Variants in SESN3 observed in about 807,000 individuals in gnomAD.
The protein encoded by SESN3 is sestrin 3.
A neutral mutation model predicts 55.3 loss-of-function variants in SESN3; 21 were observed. The ratio of observed to expected loss-of-function variants is 0.38; its 90% CI spans 0.27 to 0.55. The LOEUF (loss-of-function observed/expected upper bound fraction) is 0.55, where lower values mean the gene tolerates loss of function less well. Ranked by LOEUF, SESN3 falls within the 20% of genes least tolerant of loss-of-function variation. The pLI, the probability that SESN3 is intolerant of heterozygous loss-of-function variation, is 0.76. For synonymous variants in SESN3, 181 were observed against 203.1 expected, an observed-to-expected ratio of 0.89 and a Z score of 0.93; for missense variants, 408 against 604.3, an observed-to-expected ratio of 0.68 and a Z score of 3.41.
At chr11:95,214,592 G>A (rs1860718142) in intron 1 of SESN3, among the ~76,000 whole-genome samples, 3 of 151,740 alleles carry the variant, frequency 2.0e-5, no homozygotes. Context: ...GCTACTATAG[G>A]TGAAAGAGAA....
chr11:95,173,785 G>C (rs543509932), intron 9 of SESN3, among the ~76,000 whole-genome samples: 158 of 151,824 alleles, frequency 1.0e-3, no homozygotes, highest in African/African-American at 3.6e-3. Flanking sequence ...GTGAAAATCT[G>C]ATGTTTAAAG....
intron 1 of SESN3, among the ~76,000 whole-genome samples, chr11:95,210,766 T>C (rs1048370575): frequency 3.9e-5 from 6 of 152,172 alleles, no homozygotes; most frequent in African/African-American, 1.4e-4. Flanking sequence ...GACTCTTTAA[T>C]AAACAGTTTG....
chr11:95,209,721 A>T (rs1176328830), intron 1 of SESN3, among the ~76,000 whole-genome samples: 1 of 151,300 alleles, frequency 6.6e-6, no homozygotes, highest in Non-Finnish European at 1.5e-5. Flanking sequence ...ATGCAGCCAT[A>T]AAAAAGGATG....
chr11:95,194,506 C>A (rs960579849), intron 1 of SESN3, among the ~76,000 whole-genome samples: 1 of 152,098 alleles, frequency 6.6e-6, no homozygotes, highest in Non-Finnish European at 1.5e-5. Flanking sequence ...TCTCTGCCCT[C>A]ATGAGCTGTA....
At chr11:95,189,104 G>A (rs1247174749) in intron 4 of SESN3, among the ~76,000 whole-genome samples, 1 of 151,880 alleles carries the variant, frequency 6.6e-6, no homozygotes. Flanking sequence ...AATAACAAAG[G>A]TTTCCACTGA....
intron 1 of SESN3, among the ~76,000 whole-genome samples, chr11:95,214,873 A>G (rs1285286020): frequency 6.6e-6 from 1 of 152,184 alleles, no homozygotes; most frequent in Non-Finnish European, 1.5e-5. Context: ...AGATATTTTC[A>G]CTTGATTTGT....
At chr11:95,218,314 C>T (rs1370300679) in intron 1 of SESN3, among the ~76,000 whole-genome samples, 1 of 152,032 alleles carries the variant, frequency 6.6e-6, no homozygotes, top group Non-Finnish European at 1.5e-5. Flanking sequence ...GGAGGCATAA[C>T]CTTGAAGATC....
At position 95,170,382 on chromosome 11, in the gene SESN3, T is replaced by G. The variant is rs937182914; in HGVS notation, c.*2873A>C. The G allele has an allele frequency of 3.3e-5, 5 of 152,226 alleles. No homozygotes were observed. Among genetic ancestry groups the G allele is most frequent in the African/African-American group, 7.2e-5 (3 of 41,472 alleles). The allele number at this position is 152,226 out of a possible 1,614,324, so 9.4% of individuals were successfully genotyped here. A position where few individuals can be genotyped will look rare whatever the true frequency, so the allele number is the denominator to read the frequency against. ...ATCAGTGGACTATGAAGACTAATTT[T>G]AACATAATAAGCAAAGAATTAAAGA... On this transcript the variant is annotated 3_prime_UTR_variant, in exon 10 of 10. Coordinates refer to ENST00000536441, the MANE Select transcript of SESN3 (RefSeq NM_144665.4).
At chr11:95,189,200 T>TAGG (rs1860220413) in intron 4 of SESN3, among the ~76,000 whole-genome samples, 1 of 151,894 alleles carries the variant, frequency 6.6e-6, no homozygotes, top group Non-Finnish European at 1.5e-5. Context: ...CCTCACCCTG[T>TAGG]AGGCCTTTGA....
chr11:95,224,556 G>C (rs1223535032), intron 1 of SESN3: 1 of 389,360 alleles, frequency 2.6e-6, no homozygotes, highest in Non-Finnish European at 5.0e-6. Flanking sequence ...TTGGCTCAAT[G>C]AGTTATGTAA....
intron 1 of SESN3, among the ~76,000 whole-genome samples, chr11:95,207,959 C>T (rs1360433287): frequency 6.6e-6 from 1 of 151,138 alleles, no homozygotes; most frequent in Non-Finnish European, 1.5e-5. Context: ...TAGGCGTGAG[C>T]CACCACACCC....
intron 6 of SESN3, among the ~76,000 whole-genome samples, chr11:95,183,899 T>G (rs1482419994): frequency 6.6e-6 from 1 of 152,086 alleles, no homozygotes; most frequent in Non-Finnish European, 1.5e-5. Flanking sequence ...CAGGATGAAT[T>G]CCTCCAAATT....
At position 95,231,150 on chromosome 11, in the gene SESN3, G is replaced by C. The variant is rs1303918726; in HGVS notation, c.-290C>G. On this transcript the variant is annotated 5_prime_UTR_variant, in exon 1 of 10. Transcript: ENST00000536441. ...ACCCCCGCCCCCGCCAGGCTAGGAC[G>C]AGCAGCCGCCACCGCTGCCACCGCC... 3.2e-6 allele frequency: 1 copy of C among 314,532 alleles called. No individual in the cohort carries two copies. The highest frequency in any genetic ancestry group is 5.6e-6 in the Non-Finnish European group (1 of 177,218). 19.5% of individuals were successfully genotyped at this position (314,532 alleles called of 1,614,324 possible). A position where few individuals can be genotyped will look rare whatever the true frequency, so the allele number is the denominator to read the frequency against.
intron 1 of SESN3, among the ~76,000 whole-genome samples, chr11:95,226,666 G>A (rs1203117560): frequency 6.6e-6 from 1 of 151,930 alleles, no homozygotes; most frequent in Non-Finnish European, 1.5e-5. Context: ...TCTCATACAT[G>A]ACACAGTAAC....
intron 1 of SESN3, among the ~76,000 whole-genome samples, chr11:95,204,316 A>G (rs959064938): frequency 6.6e-6 from 1 of 152,206 alleles, no homozygotes; most frequent in East Asian, 1.9e-4. Flanking sequence ...TAAATAAATG[A>G]CAATTATTAC....
rs1859834569 is a variant in SESN3, at chr11:95,170,748, G to A, written c.*2507C>T. 6.6e-6 allele frequency: 1 copy of A among 152,176 alleles called. No individual in the cohort carries two copies. The highest frequency in any genetic ancestry group is 6.6e-5 in the Admixed American group (1 of 15,262). The allele number at this position is 152,176 out of a possible 1,614,324, so 9.4% of individuals were successfully genotyped here. On this transcript the variant is annotated 3_prime_UTR_variant, in exon 10 of 10. Transcript: ENST00000536441. ...AGTAGGTGCTTTAGCACCTGCAGAA[G>A]TCAATTTTTCTAGGCTGGTTCACTG...
chr11:95,178,610 T>G, intron 7 of SESN3, 100 bp downstream of exon 7: 1 of 740,204 alleles, frequency 1.4e-6, no homozygotes, highest in South Asian at 1.6e-5. Context: ...GATTTATAGA[T>G]TCTATCAAAA....
intron 6 of SESN3, among the ~76,000 whole-genome samples, chr11:95,179,553 T>C (rs1186165618): frequency 2.0e-5 from 3 of 152,066 alleles, no homozygotes; most frequent in Non-Finnish European, 4.4e-5. Context: ...TGGTGTTTCA[T>C]CTGGATGTAT....
chr11:95,177,593 T>A (rs903466568), intron 8 of SESN3, 126 bp downstream of exon 8: 50 of 605,850 alleles, frequency 8.3e-5, no homozygotes, highest in Non-Finnish European at 1.3e-4. Flanking sequence ...AATTAATTTT[T>A]AAAATCAGAA....
Sources: allele counts gnomAD v4.1 joint callset (sites outside exome capture counted in the v4.1 genomes callset), GRCh38; gene constraint gnomAD v4.1.1; transcripts MANE v1.5; gene names NCBI Gene and HGNC (gene_info 2026-07-23, HGNC 2026-07-21).